Variants in SERPINC1 observed in about 807,000 individuals in gnomAD.
The protein encoded by SERPINC1 is antithrombin-III.
Under a neutral mutation model 43.4 loss-of-function variants are expected in SERPINC1, and 12 were observed. The ratio of observed to expected loss-of-function variants is 0.28; its 90% confidence interval spans 0.18 to 0.45. The LOEUF (loss-of-function observed/expected upper bound fraction) is 0.45. Ranked by LOEUF, SERPINC1 falls within the 20% of genes least tolerant of loss-of-function variation. The probability of loss-of-function intolerance (pLI) is 1.00; values close to 1 mark genes in which losing one functional copy is unlikely to be tolerated. For synonymous variants in SERPINC1, 210 were observed against 218.9 expected (o/e 0.96, Z 0.36); for missense variants, 423 against 578.8 (o/e 0.73, Z 2.76).
At chr1:173,906,195 C>A (rs1332066811) in intron 6 of SERPINC1, among the ~76,000 whole-genome samples, 1 of 152,198 alleles carries the variant, frequency 6.6e-6, no homozygotes, top group Non-Finnish European at 1.5e-5. Context: ...TACAGAGATT[C>A]TCAGGGCCCA....
At chr1:173,906,920 C>G (rs1657540454) in intron 6 of SERPINC1, among the ~76,000 whole-genome samples, 1 of 152,080 alleles carries the variant, frequency 6.6e-6, no homozygotes, top group African/African-American at 2.4e-5. Context: ...GAGTTCAAGA[C>G]CTGCCTGACC....
At position 173,914,669 on chromosome 1, in the gene SERPINC1, G is replaced by A; in HGVS notation, c.292C>T (p.Leu98=). ...TCATTGTCATTCTTGGAATCTGCCA[G>A]GTGCTGATAGAAAGTGGTAGCAAAG... ...SRFATTFYQH[L]ADSKNDNDNI... The change falls in exon 2 of 7, where the codon CTG becomes TTG. Residue 98 remains leucine (L), a synonymous_variant. Coordinates refer to ENST00000367698, the MANE Select transcript of SERPINC1 (RefSeq NM_000488.4). 1.2e-6 allele frequency: 2 copies of A among 1,614,256 alleles called. No homozygotes were observed. The highest frequency in any genetic ancestry group is 1.7e-6 in the Non-Finnish European group (2 of 1,180,046).
chr1:173,914,915 C>G lies in SERPINC1; in HGVS notation c.46G>C (p.Val16Leu). Reference protein sequence around the residue: ...IGTVTSGKRKVYLLSLLLIGF... With the variant: ...IGTVTSGKRKLYLLSLLLIGF... ...ATGAGCAGCAAGGACAAAAGATAAA[C>G]CTTCCTGCAAGGAGACAAAATGCCA... The change falls in exon 2 of 7, where the codon GTT becomes CTT. Residue 16 changes from valine to leucine, a missense_variant. Coordinates refer to ENST00000367698, the MANE Select transcript of SERPINC1 (RefSeq NM_000488.4). The G allele has an allele frequency of 2.5e-6, 4 of 1,613,288 alleles. No individual in the cohort carries two copies. The highest frequency in any genetic ancestry group is 3.4e-6 in the Non-Finnish European group (4 of 1,180,034).
At position 173,909,847 on chromosome 1, in the gene SERPINC1, C is replaced by G. The variant is rs139463995; in HGVS notation, c.858G>C (p.Gln286His). The G allele has an allele frequency of 1.4e-5, 22 of 1,613,902 alleles. No homozygotes were observed. In the African/African-American group the frequency reaches 2.4e-4, roughly 18 times the overall value. Reference sequence around the variant, plus strand: ...CGCGCCGATAACGGAACTTGCCTTCCTGGTACATCATAGATGCTGAACACG... The same window carrying G: ...CGCGCCGATAACGGAACTTGCCTTCGTGGTACATCATAGATGCTGAACACG... ...GESCSASMMY[Q>H]EGKFRYRRVA... Residue 286 changes from glutamine (Q) to histidine (H), a missense_variant, in exon 5 of 7, where the codon CAG becomes CAC. By Grantham distance (24) the Gln-to-His change is conservative. Transcript: ENST00000367698.
intron 4 of SERPINC1, among the ~76,000 whole-genome samples, chr1:173,910,450 G>A (rs946171162): frequency 1.3e-5 from 2 of 152,088 alleles, no homozygotes; most frequent in African/African-American, 4.8e-5. Flanking sequence ...GCATGGTGGT[G>A]GGTGCCTGTA....
At chr1:173,912,539 A>G (rs942340199) in intron 2 of SERPINC1, among the ~76,000 whole-genome samples, 1 of 152,138 alleles carries the variant, frequency 6.6e-6, no homozygotes, top group East Asian at 1.9e-4. Context: ...GGAATCCCCC[A>G]ATGCCCACCT....
chr1:173,917,270 C>T lies in SERPINC1; in HGVS notation c.-11G>A, dbSNP rs483352843. ...CACATTGGAATACATGGCCGCTAAT[C>T]TTCCACAGGGCTGGGCAAGTGGAGA... On this transcript the variant is annotated 5_prime_UTR_variant, in exon 1 of 7. Transcript: ENST00000367698. The T allele has an allele frequency of 3.3e-5, 53 of 1,613,868 alleles. 1 individual carries two copies. In the East Asian group the frequency reaches 1.1e-3, roughly 33 times the overall value.
chr1:173,907,616 G>C, intron 5 of SERPINC1, 102 bp from the exon 6 acceptor site: 1 of 833,268 alleles, frequency 1.2e-6, no homozygotes, highest in Non-Finnish European at 2.1e-6. Flanking sequence ...GGGGCTTTTT[G>C]AAACATAAGA....
chr1:173,906,353 C>A (rs539168724), intron 6 of SERPINC1, among the ~76,000 whole-genome samples: 1 of 152,342 alleles, frequency 6.6e-6, no homozygotes, highest in Non-Finnish European at 1.5e-5. Context: ...TGGGGGAACA[C>A]GTTAAGTGAT....
At position 173,909,547 on chromosome 1, in the gene SERPINC1, C is replaced by G; in HGVS notation, c.1153+5G>C. 6.2e-7 allele frequency: 1 copy of G among 1,613,604 alleles called. No homozygotes were observed. The highest frequency in any genetic ancestry group is 8.5e-7 in the Non-Finnish European group (1 of 1,180,034). On this transcript the variant is annotated splice_donor_5th_base_variant and intron_variant, in intron 5 of 6. Coordinates refer to ENST00000367698, the MANE Select transcript of SERPINC1 (RefSeq NM_000488.4). The stretch of plus-strand genomic sequence containing the variant: ...AGAAGGGAGGAAACTCCTTCCTAGA[C>G]AAACCTGGGAGTTTGGACTTTTCAG...
chr1:173,911,693 G>T, intron 3 of SERPINC1, 106 bp downstream of exon 3: 2 of 918,680 alleles, frequency 2.2e-6, no homozygotes, highest in Non-Finnish European at 3.6e-6. Flanking sequence ...CCCTCCAGCA[G>T]TCTTCAGCAG....
intron 5 of SERPINC1, among the ~76,000 whole-genome samples, chr1:173,909,055 C>T (rs1657652430): frequency 6.6e-6 from 1 of 151,966 alleles, no homozygotes; most frequent in South Asian, 2.1e-4. Flanking sequence ...CCCAGCTACT[C>T]AGGAGGCTGA....
In SERPINC1 at chr1:173,904,039, A is replaced by G; in HGVS notation, c.1245T>C (p.Ala415=). The G allele has an allele frequency of 6.2e-7, 1 of 1,614,218 alleles. No individual in the cohort carries two copies. The highest frequency in any genetic ancestry group is 8.5e-7 in the Non-Finnish European group (1 of 1,180,030). ...LEVNEEGSEA[A]ASTAVVIAGR... ...CAGCAATCACAACAGCGGTACTTGCAGCTGCTTCACTGCCTTCTTCATTTA... is the reference window on the plus strand; with the variant it reads ...CAGCAATCACAACAGCGGTACTTGCGGCTGCTTCACTGCCTTCTTCATTTA... Residue 415 remains alanine, a synonymous_variant, in exon 7 of 7, where the codon GCT becomes GCC. Transcript: ENST00000367698.
chr1:173,910,580 A>AAAAT (rs200550996), intron 4 of SERPINC1, among the ~76,000 whole-genome samples, 174 bp downstream of exon 4: 3,163 of 152,084 alleles, frequency 0.021, 108 homozygotes, highest in African/African-American at 0.072. Flanking sequence ...GACTCTGTCA[A>AAAAT]AAATAAATAA....
At chr1:173,917,069 T>A (rs1040640435) in intron 1 of SERPINC1, 150 bp downstream of exon 1, 59 of 735,422 alleles carry the variant, frequency 8.0e-5, no homozygotes, top group Middle Eastern at 3.5e-4. Flanking sequence ...GGGAGAGCAC[T>A]TGAAATGACG....
At chr1:173,907,814 A>G (rs1471223367) in intron 5 of SERPINC1, among the ~76,000 whole-genome samples, 1 of 151,792 alleles carries the variant, frequency 6.6e-6, no homozygotes, top group Non-Finnish European at 1.5e-5. Flanking sequence ...CCTTGTCTCT[A>G]TCGTGAAAAT....
intron 6 of SERPINC1, among the ~76,000 whole-genome samples, chr1:173,904,341 A>G (rs1657394401): frequency 6.6e-6 from 1 of 152,168 alleles, no homozygotes; most frequent in African/African-American, 2.4e-5. Context: ...AGGTTATCAC[A>G]TTTCTGGCTG....
chr1:173,910,672 G>C, intron 4 of SERPINC1, 82 bp downstream of exon 4: 1 of 1,391,602 alleles, frequency 7.2e-7, no homozygotes, highest in South Asian at 1.2e-5. Flanking sequence ...TCAGGGCTTC[G>C]GTCTCGCCAT....
chr1:173,907,232 C>G (rs538161217), intron 6 of SERPINC1, among the ~76,000 whole-genome samples: 1 of 152,266 alleles, frequency 6.6e-6, no homozygotes, highest in African/African-American at 2.4e-5. Flanking sequence ...ATATCACCCT[C>G]CCTAAATGTT....
Sources: gnomAD v4.1 joint callset for allele counts (sites outside exome capture counted in the v4.1 genomes callset) on GRCh38, gnomAD v4.1.1 for gene constraint, MANE v1.5 for transcripts, NCBI Gene and HGNC (gene_info 2026-07-23, HGNC 2026-07-21) for gene names.